The following CNTN1 variants were observed in gnomAD, a reference collection of about 807,000 sequenced individuals.
CNTN1 encodes contactin-1.
CNTN1 carries 38 observed loss-of-function variants against 126.4 expected under a neutral mutation model. The observed-to-expected ratio is 0.30, with a 90% CI of 0.23 to 0.39. The LOEUF is 0.39. CNTN1 is among the 10% of genes least tolerant of loss of function. The pLI is 1.00. For synonymous variants in CNTN1, 413 were observed against 422.6 expected (o/e 0.98, Z 0.28); for missense variants, 1,009 against 1,248.4 (o/e 0.81, Z 2.89).
chr12:40,965,614 A>G (rs1438797151), intron 15 of CNTN1, among the ~76,000 whole-genome samples: 1 of 152,158 alleles, frequency 6.6e-6, no homozygotes, highest in African/African-American at 2.4e-5. Context: ...AACAGATGTA[A>G]TCATTAATTC....
chr12:40,838,975 ACACT>A (rs199570093), intron 1 of CNTN1, among the ~76,000 whole-genome samples: 1,750 of 152,344 alleles, frequency 0.011, 31 homozygotes, highest in African/African-American at 0.039. Context: ...TATTTTTCAA[ACACT>A]CAGTGAAACA....
intron 19 of CNTN1, among the ~76,000 whole-genome samples, chr12:41,018,702 G>A (rs1566154943): frequency 2.0e-5 from 3 of 151,308 alleles, no homozygotes; most frequent in African/African-American, 4.9e-5. Flanking sequence ...ATATATGTGT[G>A]TGTGTGTGTG....
chr12:40,996,275 G>A (rs1452780677), intron 17 of CNTN1, among the ~76,000 whole-genome samples: 1 of 151,868 alleles, frequency 6.6e-6, no homozygotes, highest in Non-Finnish European at 1.5e-5. Flanking sequence ...CGGATTACAG[G>A]GGCTTGTCAC....
chr12:40,932,209 G>A (rs544721994), intron 7 of CNTN1, among the ~76,000 whole-genome samples: 1 of 151,762 alleles, frequency 6.6e-6, no homozygotes, highest in Admixed American at 6.6e-5. Context: ...ACTTGTCAAG[G>A]GTGGGGCCAG....
intron 15 of CNTN1, among the ~76,000 whole-genome samples, chr12:40,965,268 A>G (rs1220054295): frequency 6.6e-6 from 1 of 152,168 alleles, no homozygotes; most frequent in African/African-American, 2.4e-5. Context: ...ACTCTGAGAG[A>G]AAGAGTTCCT....
chr12:40,933,138 A>G (rs548786893), intron 7 of CNTN1, among the ~76,000 whole-genome samples: 1 of 149,314 alleles, frequency 6.7e-6, no homozygotes, highest in East Asian at 2.0e-4. Context: ...TTCTTTCTCC[A>G]CCTTCCTGAG....
rs905886224 is a variant in CNTN1, at chr12:40,769,617, A to G, written c.-77+77025A>G. On this transcript the variant is annotated intron_variant, in intron 1 of 23. Transcript: ENST00000551295. ...TATTTAGTTAGATACAGTGCATAGG[A>G]ACTTGTCTTCATTTAAAATTTTTGT... is the stretch of plus-strand genomic sequence containing the variant. 2.0e-5 allele frequency among the ~76,000 whole-genome samples: 3 copies of G among 152,192 alleles called. No individual in the cohort carries two copies. The East Asian group carries it at 5.8e-4, about 29-fold the overall frequency.
In CNTN1 at chr12:40,906,669, C is replaced by CTTTTTTTTTTTTTTTTTTTTTTT. The variant is rs111442544; in HGVS notation, c.-76-1679_-76-1678insTTTTTTTTTTTTTTTTTTTTTTT. On this transcript the variant is annotated intron_variant, in intron 1 of 23. Transcript: ENST00000551295. Reference sequence around the variant, plus strand: ...TTTCCTTTTAAAATTGTTTTTCATGCTTTTTTTTTGTTTTGTTTTTTTTGA... The same window carrying CTTTTTTTTTTTTTTTTTTTTTTT: ...TTTCCTTTTAAAATTGTTTTTCATGCTTTTTTTTTTTTTTTTTTTTTTTTTTTTTTTTGTTTTGTTTTTTTTGA... Among the ~76,000 whole-genome samples the CTTTTTTTTTTTTTTTTTTTTTTT allele has an allele frequency of 8.4e-5, 9 of 107,258 alleles. 1 individual carries two copies. Among genetic ancestry groups the CTTTTTTTTTTTTTTTTTTTTTTT allele is most frequent in the African/African-American group, 1.8e-4 (5 of 27,216 alleles). 70.4% of individuals were successfully genotyped at this position (107,258 alleles called of 152,430 possible).
chr12:40,896,801 C>T (rs12582450), intron 1 of CNTN1, among the ~76,000 whole-genome samples: 14,931 of 152,124 alleles, frequency 0.098, 865 homozygotes, highest in Non-Finnish European at 0.13. Flanking sequence ...AGACAAAGGA[C>T]CACTTGAAGA....
intron 6 of CNTN1, among the ~76,000 whole-genome samples, chr12:40,926,171 G>GGATAGATTA (rs1555182037): frequency 7.3e-6 from 1 of 137,512 alleles, no homozygotes; most frequent in African/African-American, 2.8e-5. Context: ...TGCTAAATAA[G>GGATAGATTA]GATAGATAGA....
chr12:40,766,156 G>A (rs186084301), intron 1 of CNTN1, among the ~76,000 whole-genome samples: 7 of 152,184 alleles, frequency 4.6e-5, no homozygotes, highest in Admixed American at 2.6e-4. Context: ...TCAAGGGTTC[G>A]AGATCAGTCT....
At chr12:41,007,312 G>T (rs926420265) in intron 17 of CNTN1, among the ~76,000 whole-genome samples, 4 of 151,840 alleles carry the variant, frequency 2.6e-5, no homozygotes, top group Non-Finnish European at 5.9e-5. Flanking sequence ...CGCCCGCCTC[G>T]GCCTCCCAAA....
chr12:40,875,607 C>T (rs1943641969), intron 1 of CNTN1, among the ~76,000 whole-genome samples: 1 of 152,016 alleles, frequency 6.6e-6, no homozygotes, highest in African/African-American at 2.4e-5. Flanking sequence ...TATAGGATTT[C>T]ATTATATATA....
chr12:40,951,432 TTTTA>T (rs1306287273), intron 14 of CNTN1, among the ~76,000 whole-genome samples: 4 of 152,154 alleles, frequency 2.6e-5, no homozygotes, highest in African/African-American at 9.7e-5. Context: ...TGTTTTGTCA[TTTTA>T]TTTATGTTTT....
At chr12:41,017,359 A>G (rs1049055511) in intron 19 of CNTN1, among the ~76,000 whole-genome samples, 21 of 145,996 alleles carry the variant, frequency 1.4e-4, no homozygotes, top group Non-Finnish European at 2.8e-4. Flanking sequence ...ATCTGTCTGG[A>G]GGACAGAGCA....
At chr12:40,888,568 T>G (rs1180835279) in intron 1 of CNTN1, among the ~76,000 whole-genome samples, 1 of 152,152 alleles carries the variant, frequency 6.6e-6, no homozygotes, top group East Asian at 1.9e-4. Flanking sequence ...AATCTTAACT[T>G]GTTTTAGACT....
At chr12:40,741,153 C>T (rs1219844052) in intron 1 of CNTN1, among the ~76,000 whole-genome samples, 1 of 152,042 alleles carries the variant, frequency 6.6e-6, no homozygotes, top group Admixed American at 6.6e-5. Context: ...CAATTGCATA[C>T]ATGCCCAAAC....
At chr12:40,736,986 C>T (rs553248390) in intron 1 of CNTN1, among the ~76,000 whole-genome samples, 10 of 151,896 alleles carry the variant, frequency 6.6e-5, no homozygotes, top group South Asian at 2.1e-4. Flanking sequence ...AAATCCTACA[C>T]GAAATCAGTA....
intron 17 of CNTN1, among the ~76,000 whole-genome samples, chr12:40,994,134 T>C (rs1019077797): frequency 6.6e-6 from 1 of 152,150 alleles, no homozygotes; most frequent in Admixed American, 6.5e-5. Context: ...AGCCTATATA[T>C]TGTAAAGAAA....
Sources: gnomAD v4.1 joint callset for allele counts (sites outside exome capture counted in the v4.1 genomes callset) on GRCh38, gnomAD v4.1.1 for gene constraint, MANE v1.5 for transcripts, NCBI Gene and HGNC (gene_info 2026-07-23, HGNC 2026-07-21) for gene names.